NOSIP: variants seen among roughly 807,000 people sequenced by gnomAD.
NOSIP encodes nitric oxide synthase interacting protein, also known as nitric oxide synthase-interacting protein.
In NOSIP, 25 loss-of-function variants were observed where a neutral mutation model predicts 36.4. The observed-to-expected ratio is 0.69, with a 90% CI of 0.50 to 0.96. NOSIP has a LOEUF of 0.96. Among genes scored for constraint, NOSIP ranks in the 40% least tolerant of loss-of-function variants. The pLI, the probability that NOSIP is intolerant of heterozygous loss-of-function variation, is 0.00. For missense variants in NOSIP, 370 were observed against 429.0 expected (o/e 0.86, Z 1.21); for synonymous variants, 187 against 179.2 (o/e 1.04, Z -0.35).
intron 1 of NOSIP, among the ~76,000 whole-genome samples, chr19:49,575,277 G>C (rs892491061): frequency 6.6e-6 from 1 of 152,152 alleles, no homozygotes; most frequent in African/African-American, 2.4e-5. Context: ...GGGATTATAG[G>C]CATGAGCCAC....
chr19:49,576,912 A>T (rs945666231), intron 1 of NOSIP, among the ~76,000 whole-genome samples: 1 of 148,264 alleles, frequency 6.7e-6, no homozygotes, highest in Non-Finnish European at 1.5e-5. Flanking sequence ...AAAAAAAATC[A>T]GGATATCTGA....
intron 1 of NOSIP, among the ~76,000 whole-genome samples, chr19:49,571,510 A>T (rs984830760): frequency 2.2e-4 from 33 of 152,210 alleles, no homozygotes; most frequent in African/African-American, 7.2e-4. Flanking sequence ...GAAACAGGCA[A>T]AGAGCAGGAG....
chr19:49,579,341 C>G (rs772360990), intron 1 of NOSIP: 11 of 152,284 alleles, frequency 7.2e-5, no homozygotes, highest in Admixed American at 2.0e-4. Context: ...AGCTCCTGCA[C>G]TAGGTTCAAC....
Position 49,560,467 on chromosome 19 carries a change from G to A in NOSIP, c.70+155C>T, listed in dbSNP as rs750412036. ...CAGTGCCGGGCCACATGGGGTCATGGGATCACCCAGCTGTTGTTTACATGG... is the reference window on the plus strand; with the variant it reads ...CAGTGCCGGGCCACATGGGGTCATGAGATCACCCAGCTGTTGTTTACATGG... On this transcript the variant is annotated intron_variant, in intron 2 of 8. Coordinates refer to ENST00000596358, the MANE Select transcript of NOSIP (RefSeq NM_001270960.2). The surrounding 1 kb of genome is among the most constrained non-coding windows in gnomAD (Gnocchi z 4.6). The A allele has an allele frequency of 1.9e-4, 120 of 647,074 alleles. No individual in the cohort carries two copies. The highest frequency in any genetic ancestry group is 2.9e-4 in the Non-Finnish European group (102 of 356,828). 40.1% of individuals were successfully genotyped at this position (647,074 alleles called of 1,614,324 possible).
rs2080313623 is a variant in NOSIP at position 49,560,205 on chromosome 19, G to A, written c.71-166C>T. The A allele has an allele frequency of 3.3e-6, 2 of 604,032 alleles. No homozygotes were observed. The highest frequency in any genetic ancestry group is 3.9e-5 in the South Asian group (2 of 51,162). The allele number at this position is 604,032 out of a possible 1,614,324, so 37.4% of individuals were successfully genotyped here. On this transcript the variant is annotated intron_variant, in intron 2 of 8. Transcript: ENST00000596358. The surrounding 1 kb of genome is among the most constrained non-coding windows in gnomAD (Gnocchi z 4.6). ...TGCCTGTGTGCTGGGGCCACGGGCTGAACCCACAGGGAGTTGTCAACCCTG... is the reference window on the plus strand; with the variant it reads ...TGCCTGTGTGCTGGGGCCACGGGCTAAACCCACAGGGAGTTGTCAACCCTG...
rs1233180989 is a variant in NOSIP at position 49,559,941 on chromosome 19, C to G, written c.169G>C (p.Val57Leu). The change falls in exon 3 of 9, where the codon GTT becomes CTT. Residue 57 changes from valine to leucine, a missense_variant. Coordinates refer to ENST00000596358, the MANE Select transcript of NOSIP (RefSeq NM_001270960.2). Reference protein sequence around the residue: ...CLSLQPCHDPVVTPDGYLYER... With the variant: ...CLSLQPCHDPLVTPDGYLYER... ...TCCCTGTTCCCAGCTCACGTGACAA[C>G]AGGATCGTGGCAAGGCTGCAGGGAG... is the stretch of plus-strand genomic sequence containing the variant. The G allele has an allele frequency of 1.9e-6, 3 of 1,612,242 alleles. No homozygotes were observed. The highest frequency in any genetic ancestry group is 2.7e-5 in the African/African-American group (2 of 74,870).
chr19:49,579,982 C>A (rs1309063206), intron 1 of NOSIP, among the ~76,000 whole-genome samples: 1 of 151,736 alleles, frequency 6.6e-6, no homozygotes, highest in African/African-American at 2.4e-5. Context: ...ACTGCCTGAC[C>A]CCGAAGCTCC....
intron 1 of NOSIP, among the ~76,000 whole-genome samples, chr19:49,564,116 C>T (rs1418663517): frequency 6.6e-6 from 1 of 152,088 alleles, no homozygotes; most frequent in Non-Finnish European, 1.5e-5. Context: ...TTTGTTACAA[C>T]AATGATAGGA....
intron 1 of NOSIP, among the ~76,000 whole-genome samples, chr19:49,569,502 A>G (rs1355450414): frequency 1.4e-5 from 2 of 144,756 alleles, no homozygotes; most frequent in East Asian, 4.5e-4. Context: ...CTGGCCTACA[A>G]TGATACATTT....
In NOSIP at chr19:49,560,031, C is replaced by T; in HGVS notation, c.79G>A (p.Gly27Ser). ...HEKKKDTAAS[G>S]YGTQNIRLSR... ...AGTCGAATGTTCTGGGTCCCATAGC[C>T]CGAGGCCGCTGGGGACAGAGATGGG... The change falls in exon 3 of 9, where the codon GGC becomes AGC. Residue 27 changes from glycine (G) to serine (S), a missense_variant. Around this residue, in one of 3 missense-constraint regions of NOSIP, gnomAD observed 37 missense variants for 60.2 expected, o/e 0.61. Transcript: ENST00000596358. The surrounding 1 kb of genome is among the most constrained non-coding windows in gnomAD (Gnocchi z 4.6). 6.2e-7 allele frequency: 1 copy of T among 1,612,772 alleles called. No homozygotes were observed. Among genetic ancestry groups the T allele is most frequent in the Non-Finnish European group, 8.5e-7 (1 of 1,179,076 alleles).
chr19:49,558,666 G>A (rs2080290023), intron 4 of NOSIP: 1 of 573,916 alleles, frequency 1.7e-6, no homozygotes, highest in Non-Finnish European at 3.1e-6. Flanking sequence ...CTACAACTAT[G>A]CTAAGTGCTA....
At chr19:49,555,938 G>T in intron 8 of NOSIP, 116 bp from the exon 9 acceptor site, 4 of 733,688 alleles carry the variant, frequency 5.5e-6, no homozygotes, top group South Asian at 4.8e-5. Context: ...GCTGGCTAAG[G>T]AGTAGGAGTT....
chr19:49,574,562 C>T (rs1229322403), intron 1 of NOSIP, among the ~76,000 whole-genome samples: 1 of 152,186 alleles, frequency 6.6e-6, no homozygotes, highest in East Asian at 1.9e-4. Context: ...CATAACAAAA[C>T]ACCACTCTGG....
chr19:49,570,360 T>C (rs1360695121), intron 1 of NOSIP, among the ~76,000 whole-genome samples: 3 of 152,142 alleles, frequency 2.0e-5, no homozygotes, highest in South Asian at 2.1e-4. Flanking sequence ...CTGGGAGCTA[T>C]GGAGCTCTCT....
At chr19:49,579,141 T>C (rs1456965266) in intron 1 of NOSIP, 1 of 152,200 alleles carries the variant, frequency 6.6e-6, no homozygotes, top group African/African-American at 2.4e-5. Context: ...ATTACTTAAC[T>C]ATATCCTGAT....
chr19:49,559,159 G>T (rs1434971929), intron 3 of NOSIP, 181 bp from the exon 4 acceptor site: 1 of 618,278 alleles, frequency 1.6e-6, no homozygotes, highest in Admixed American at 2.8e-5. Context: ...GTGAAAGGAT[G>T]CAGATTAAAA....
intron 1 of NOSIP, among the ~76,000 whole-genome samples, chr19:49,574,368 C>A (rs2080524489): frequency 6.6e-6 from 1 of 152,108 alleles, no homozygotes; most frequent in South Asian, 2.1e-4. Flanking sequence ...GGAAAACTGC[C>A]ATTTTGCAAC....
At chr19:49,571,108 CTGAGA>C (rs2080477903) in intron 1 of NOSIP, among the ~76,000 whole-genome samples, 1 of 150,980 alleles carries the variant, frequency 6.6e-6, no homozygotes, top group Admixed American at 6.6e-5. Context: ...TCCCAAGTAG[CTGAGA>C]TAACAGGCGC....
intron 1 of NOSIP, among the ~76,000 whole-genome samples, chr19:49,578,287 C>T (rs372998588): frequency 6.6e-6 from 1 of 151,988 alleles, no homozygotes; most frequent in African/African-American, 2.4e-5. Context: ...CCATGACCAG[C>T]CAATTTTTGT....
Sources: allele counts gnomAD v4.1 joint callset (sites outside exome capture counted in the v4.1 genomes callset), GRCh38; gene constraint gnomAD v4.1.1; regional missense constraint gnomAD v4.1.1; non-coding constraint Gnocchi (gnomAD v3.1); transcripts MANE v1.5; gene names NCBI Gene and HGNC (gene_info 2026-07-23, HGNC 2026-07-21).